The following ROM1 variants were observed in gnomAD, a reference collection of about 807,000 sequenced individuals.
ROM1 encodes rod outer segment membrane protein 1.
ROM1 carries 17 observed loss-of-function variants against 23.0 expected under a neutral mutation model. The ratio of observed to expected loss-of-function variants is 0.74; its 90% confidence interval spans 0.51 to 1.11. The LOEUF (loss-of-function observed/expected upper bound fraction) is 1.11. Among genes scored for constraint, ROM1 ranks in the 50% least tolerant of loss-of-function variants. The pLI, the probability that ROM1 is intolerant of heterozygous loss-of-function variation, is 0.00. For missense variants in ROM1, 436 were observed against 439.7 expected (o/e 0.99, Z 0.08); for synonymous variants, 200 against 206.5 (o/e 0.97, Z 0.27).
chr11:62,613,989 C>G, intron 1 of ROM1, 118 bp downstream of exon 1: 7 of 1,549,088 alleles, frequency 4.5e-6, no homozygotes, highest in Non-Finnish European at 6.1e-6. Context: ...GGCTGAGAGA[C>G]TGGTTACAGC....
Position 62,615,113 on chromosome 11 carries a change from G to A in ROM1, c.*274G>A, listed in dbSNP as rs902332009. On this transcript the variant is annotated 3_prime_UTR_variant, in exon 3 of 3. Transcript: ENST00000278833. ...TATAGACTCAATAAAGTTTTTGGAT[G>A]GAAGCAATTGCTTTTTCTTGTCAAG... 16 of 486,910 alleles carry A rather than the reference G, an allele frequency of 3.3e-5. No individual in the cohort carries two copies. The highest frequency in any genetic ancestry group is 1.9e-4 in the South Asian group (8 of 41,448). 30.2% of individuals were successfully genotyped at this position (486,910 alleles called of 1,614,324 possible).
chr11:62,614,492 C>T lies in ROM1; in HGVS notation c.825C>T (p.Thr275=), dbSNP rs1411382206. 1.2e-6 allele frequency: 2 copies of T among 1,614,168 alleles called. No homozygotes were observed. The highest frequency in any genetic ancestry group is 1.7e-6 in the Non-Finnish European group (2 of 1,180,024). ...CACTGGGTAGCATGCTGGCTGTCAC[C>T]TTCCTACTGCAGGTGAGTCAGCAAA... ...AGTLGSMLAV[T]FLLQALVLLG... is the part of the protein sequence containing the mutation. Residue 275 remains threonine, a synonymous_variant, in exon 2 of 3, where the codon ACC becomes ACT. Transcript: ENST00000278833.
Position 62,614,293 on chromosome 11 carries a change from C to G in ROM1, c.626C>G (p.Thr209Ser). The G allele has an allele frequency of 6.2e-7, 1 of 1,614,144 alleles. No homozygotes were observed. Among genetic ancestry groups the G allele is most frequent in the Non-Finnish European group, 8.5e-7 (1 of 1,180,032 alleles). ...IQSNVEGLYL[T>S]DGVPFSCCNP... ...AGCAATGTAGAAGGCCTATACCTGA[C>G]TGATGGGGTCCCTTTCTCCTGTTGC... Residue 209 changes from threonine to serine, a missense_variant, in exon 2 of 3, where the codon ACT becomes AGT. Transcript: ENST00000278833.
intron 1 of ROM1, 103 bp downstream of exon 1, chr11:62,613,974 A>C: frequency 3.2e-6 from 5 of 1,580,804 alleles, no homozygotes; most frequent in Non-Finnish European, 4.3e-6. Context: ...TAAGTAGAAC[A>C]TAGTGGCTGA....
rs772062487 is a variant in ROM1, at chr11:62,613,493, C to T, written c.212C>T (p.Ala71Val). The change falls in exon 1 of 3, where the codon GCG (alanine) becomes GTG (valine). Residue 71 changes from alanine to valine, a missense_variant. Transcript: ENST00000278833. ...VLPQAALAAG[A>V]VALGTGLVGV... is the part of the protein sequence containing the mutation. ...CCCCAGGCTGCCCTGGCAGCGGGCG[C>T]GGTGGCTCTGGGCACAGGACTAGTG... 8 of 1,613,740 alleles carry T rather than the reference C, an allele frequency of 5.0e-6. No individual in the cohort carries two copies. The highest frequency in any genetic ancestry group is 1.3e-5 in the African/African-American group (1 of 75,044).
At chr11:62,614,129 C>T (rs1427989330) in intron 1 of ROM1, 129 bp from the exon 2 acceptor site, 7 of 1,270,230 alleles carry the variant, frequency 5.5e-6, no homozygotes, top group Non-Finnish European at 6.8e-6. Flanking sequence ...TTATGCTTGG[C>T]TGGCACATAG....
In ROM1 at chr11:62,614,972, G is replaced by C. The variant is rs1942993940; in HGVS notation, c.*133G>C. 1 of 739,078 alleles carries C rather than the reference G, an allele frequency of 1.4e-6. No individual in the cohort carries two copies. 45.8% of individuals were successfully genotyped at this position (739,078 alleles called of 1,614,324 possible). A position where few individuals can be genotyped will look rare whatever the true frequency, so the allele number is the denominator to read the frequency against. ...AGGATAGTCAGCGAGCTGGACTGGG[G>C]TAAGAAAGAAAACCAGATGTCCTAG... On this transcript the variant is annotated 3_prime_UTR_variant, in exon 3 of 3. Coordinates refer to ENST00000278833, the MANE Select transcript of ROM1 (RefSeq NM_000327.4).
At position 62,613,260 on chromosome 11, in the gene ROM1, T is replaced by A. The variant is rs4387351; in HGVS notation, c.-22T>A. 6.4e-7 allele frequency: 1 copy of A among 1,572,918 alleles called. No individual in the cohort carries two copies. The highest frequency in any genetic ancestry group is 8.6e-7 in the Non-Finnish European group (1 of 1,162,288). On this transcript the variant is annotated 5_prime_UTR_variant, in exon 1 of 3. Transcript: ENST00000278833. ...AGCTTCCATCCCTGACACCTCTGCA[T>A]TCCCTTGGGCAGAGATGGGAGATGG...
intron 1 of ROM1, 142 bp from the exon 2 acceptor site, chr11:62,614,116 G>C: frequency 2.4e-6 from 3 of 1,228,962 alleles, no homozygotes; most frequent in Non-Finnish European, 3.5e-6. Flanking sequence ...GTGAAGATGT[G>C]AATTATGCTT....
In ROM1 at chr11:62,615,050, G is replaced by C. The variant is rs1275835779; in HGVS notation, c.*211G>C. 1.7e-6 allele frequency: 1 copy of C among 587,414 alleles called. No individual in the cohort carries two copies. Among genetic ancestry groups the C allele is most frequent in the Non-Finnish European group, 3.0e-6 (1 of 330,346 alleles). The allele number at this position is 587,414 out of a possible 1,614,324, so 36.4% of individuals were successfully genotyped here. ...AGGGAACAGCAAAGAACAGAGTGAT[G>C]GGAAAGTGACATGAGAAGGCCTGGA... On this transcript the variant is annotated 3_prime_UTR_variant, in exon 3 of 3. Transcript: ENST00000278833.
rs775843049 is a variant in ROM1 at position 62,613,597 on chromosome 11, G to C, written c.316G>C (p.Ala106Pro). 1.2e-6 allele frequency: 2 copies of C among 1,612,426 alleles called. No homozygotes were observed. The highest frequency in any genetic ancestry group is 1.7e-5 in the Admixed American group (1 of 59,960). The change falls in exon 1 of 3, where the codon GCT becomes CCT. Residue 106 changes from alanine to proline, a missense_variant. Physicochemically the swap from Ala to Pro is conservative, Grantham distance 27 (BLOSUM62 -1). Coordinates refer to ENST00000278833, the MANE Select transcript of ROM1 (RefSeq NM_000327.4). ...WRGVLGPLLV[A>P]GTAGGGGLLV... ...AGGGGTCCTGGGCCCGCTGCTGGTGGCTGGCACGGCTGGTGGGGGGGGGCT... is the reference window on the plus strand; with the variant it reads ...AGGGGTCCTGGGCCCGCTGCTGGTGCCTGGCACGGCTGGTGGGGGGGGGCT...
In ROM1 at chr11:62,615,105, T is replaced by G; in HGVS notation, c.*266T>G. ...GATTCTGATATAGACTCAATAAAGT[T>G]TTTGGATGGAAGCAATTGCTTTTTC... On this transcript the variant is annotated 3_prime_UTR_variant, in exon 3 of 3. Transcript: ENST00000278833. 1 of 500,928 alleles carries G rather than the reference T, an allele frequency of 2.0e-6. No individual in the cohort carries two copies. Among genetic ancestry groups the G allele is most frequent in the Non-Finnish European group, 3.6e-6 (1 of 278,238 alleles). The allele number at this position is 500,928 out of a possible 1,614,324, so 31.0% of individuals were successfully genotyped here. A position where few individuals can be genotyped will look rare whatever the true frequency, so the allele number is the denominator to read the frequency against.
rs1291457636 is a variant in ROM1 at position 62,615,087 on chromosome 11, A to G, written c.*248A>G. ...TGAGAAGGCCTGGAGGCTGATTCTG[A>G]TATAGACTCAATAAAGTTTTTGGAT... On this transcript the variant is annotated 3_prime_UTR_variant, in exon 3 of 3. Coordinates refer to ENST00000278833, the MANE Select transcript of ROM1 (RefSeq NM_000327.4). 1.8e-6 allele frequency: 1 copy of G among 544,840 alleles called. No homozygotes were observed. Among genetic ancestry groups the G allele is most frequent in the Non-Finnish European group, 3.3e-6 (1 of 304,396 alleles). 33.8% of individuals were successfully genotyped at this position (544,840 alleles called of 1,614,324 possible). A position where few individuals can be genotyped will look rare whatever the true frequency, so the allele number is the denominator to read the frequency against.
Position 62,614,494 on chromosome 11 carries a change from T to C in ROM1, c.827T>C (p.Phe276Ser). The change falls in exon 2 of 3, where the codon TTC becomes TCC. Residue 276 changes from phenylalanine to serine, a missense_variant. Transcript: ENST00000278833. ...CTGGGTAGCATGCTGGCTGTCACCT[T>C]CCTACTGCAGGTGAGTCAGCAAAGC... Reference protein sequence around the residue: ...GTLGSMLAVTFLLQALVLLGL... With the variant: ...GTLGSMLAVTSLLQALVLLGL... 1 of 1,614,112 alleles carries C rather than the reference T, an allele frequency of 6.2e-7. No individual in the cohort carries two copies. Among genetic ancestry groups the C allele is most frequent in the South Asian group, 1.1e-5 (1 of 91,084 alleles).
chr11:62,613,778 A>T lies in ROM1; in HGVS notation c.497A>T (p.Tyr166Phe). 1 of 1,614,196 alleles carries T rather than the reference A, an allele frequency of 6.2e-7. No individual in the cohort carries two copies. The highest frequency in any genetic ancestry group is 8.5e-7 in the Non-Finnish European group (1 of 1,180,018). Residue 166 changes from tyrosine (Y) to phenylalanine (F), a missense_variant, in exon 1 of 3, where the codon TAC becomes TTC. Coordinates refer to ENST00000278833, the MANE Select transcript of ROM1 (RefSeq NM_000327.4). ...CTGGTGGATGAGCTGCAACTGAGGT[A>T]CCACTGCTGCGGGCGCCACGGGTAC... ...KRLVDELQLR[Y>F]HCCGRHGYKD... is the part of the protein sequence containing the mutation.
In ROM1 at chr11:62,613,739, G is replaced by T. The variant is rs1387719639; in HGVS notation, c.458G>T (p.Cys153Phe). The change falls in exon 1 of 3, where the codon TGT becomes TTT. Residue 153 changes from cysteine to phenylalanine, a missense_variant. Transcript: ENST00000278833. Reference protein sequence around the residue: ...HYKDTEVPGHCQAKRLVDELQ... With the variant: ...HYKDTEVPGHFQAKRLVDELQ... ...AAGGACACAGAGGTGCCTGGGCACT[G>T]TCAGGCCAAAAGGCTGGTGGATGAG... 1 of 1,614,218 alleles carries T rather than the reference G, an allele frequency of 6.2e-7. No homozygotes were observed. The highest frequency in any genetic ancestry group is 8.5e-7 in the Non-Finnish European group (1 of 1,180,036).
In ROM1 at chr11:62,614,851, T is replaced by G. The variant is rs758104440; in HGVS notation, c.*12T>G. ...TATCTGAGGCCTAGAGGCCTGGAGC[T>G]TGGGGTGAGGAAGAGGGAGGGATGG... On this transcript the variant is annotated 3_prime_UTR_variant, in exon 3 of 3. Coordinates refer to ENST00000278833, the MANE Select transcript of ROM1 (RefSeq NM_000327.4). 17 of 1,606,294 alleles carry G rather than the reference T, an allele frequency of 1.1e-5. No individual in the cohort carries two copies. The highest frequency in any genetic ancestry group is 8.3e-5 in the Admixed American group (5 of 59,940).
At chr11:62,613,962 A>G in intron 1 of ROM1, 91 bp downstream of exon 1, 1 of 1,592,398 alleles carries the variant, frequency 6.3e-7, no homozygotes, top group Non-Finnish European at 8.5e-7. Context: ...TCAGAGGGGC[A>G]ATAAGTAGAA....
In ROM1 at chr11:62,613,622, T is replaced by C; in HGVS notation, c.341T>C (p.Leu114Pro). Reference protein sequence around the residue: ...LVAGTAGGGGLLVVGLGLALA... With the variant: ...LVAGTAGGGGPLVVGLGLALA... ...GCTGGCACGGCTGGTGGGGGGGGGC[T>C]CCTGGTCGTCGGCCTCGGGCTAGCC... Residue 114 changes from leucine to proline, a missense_variant, in exon 1 of 3, where the codon CTC becomes CCC. Leu to Pro is a moderately conservative substitution (Grantham distance 98). Coordinates refer to ENST00000278833, the MANE Select transcript of ROM1 (RefSeq NM_000327.4). The C allele has an allele frequency of 5.6e-6, 9 of 1,612,734 alleles. No homozygotes were observed. Among genetic ancestry groups the C allele is most frequent in the Non-Finnish European group, 7.6e-6 (9 of 1,179,496 alleles).
Sources: allele counts gnomAD v4.1 joint callset, GRCh38; gene constraint gnomAD v4.1.1; transcripts MANE v1.5; gene names NCBI Gene and HGNC (gene_info 2026-07-23, HGNC 2026-07-21).